SLC8A1: variants seen among roughly 807,000 people sequenced by gnomAD.
SLC8A1 encodes solute carrier family 8 member A1, also known as sodium/calcium exchanger 1.
SLC8A1 carries 18 observed loss-of-function variants against 68.3 expected under a neutral mutation model. That is an observed-to-expected ratio of 0.26 (90% CI 0.18 to 0.39). SLC8A1 has a LOEUF of 0.39. SLC8A1 is among the 10% of genes least tolerant of loss of function. The probability of loss-of-function intolerance (pLI) is 1.00; values close to 1 mark genes in which losing one functional copy is unlikely to be tolerated. For synonymous variants in SLC8A1, 475 were observed against 415.5 expected (o/e 1.14, Z -1.74); for missense variants, 985 against 1,156.7 (o/e 0.85, Z 2.15).
At chr2:40,452,153 G>T (rs1576595415), upstream of SLC8A1, 1 of 114 alleles carries the variant, frequency 8.8e-3, no homozygotes, top group Non-Finnish European at 0.071. Context: ...GGAGGGCCGG[G>T]GCCCGGGCGC....
At chr2:40,284,966 T>C (rs1209819942) in intron 2 of SLC8A1, among the ~76,000 whole-genome samples, 2 of 152,118 alleles carry the variant, frequency 1.3e-5, no homozygotes, top group Non-Finnish European at 2.9e-5. Context: ...TCTAGTTTTA[T>C]AACCAGAGAA....
chr2:40,109,449 AACAACAC>A (rs2034426027), exon 8 of SLC8A1: 1 of 152,192 alleles, frequency 6.6e-6, no homozygotes, highest in Non-Finnish European at 1.5e-5. Context: ...GTATAAAATA[AACAACAC>A]TATTATATGT....
intron 2 of SLC8A1, among the ~76,000 whole-genome samples, chr2:40,284,492 CATAT>C (rs2067992804): frequency 7.1e-6 from 1 of 140,628 alleles, no homozygotes; most frequent in Non-Finnish European, 1.5e-5. Context: ...TGTATACATA[CATAT>C]CTAGCCAACA....
At position 40,332,590 on chromosome 2, in the gene SLC8A1, A is replaced by G. The variant is rs184944241; in HGVS notation, c.1808+95883T>C. On this transcript the variant is annotated intron_variant, in intron 2 of 7. Coordinates refer to ENST00000406785, the Ensembl canonical transcript of SLC8A1. ...GAGAAAAAAGGCTGGTGAGCCAAAA[A>G]TGGCTTAGGAACATAATTCTCTACC... Among the ~76,000 whole-genome samples the G allele has an allele frequency of 7.2e-4, 110 of 152,306 alleles. 2 individuals are homozygous for G. Among genetic ancestry groups the G allele is most frequent in the Admixed American group, 6.2e-3 (95 of 15,298 alleles).
At chr2:40,468,307 G>A (rs1703811965) in intron 1 of SLC8A1, among the ~76,000 whole-genome samples, 1 of 152,110 alleles carries the variant, frequency 6.6e-6, no homozygotes, top group Non-Finnish European at 1.5e-5. Flanking sequence ...GTTTAGTGGT[G>A]TTTATGTATA....
chr2:40,352,313 C>A (rs899019732), intron 2 of SLC8A1, among the ~76,000 whole-genome samples: 8 of 152,094 alleles, frequency 5.3e-5, no homozygotes, highest in African/African-American at 1.7e-4. Flanking sequence ...TCTGAAATAA[C>A]ATTTTCCAAA....
chr2:40,377,143 C>T (rs1027301803), intron 2 of SLC8A1, among the ~76,000 whole-genome samples: 1 of 152,034 alleles, frequency 6.6e-6, no homozygotes, highest in Non-Finnish European at 1.5e-5. Context: ...GAGTTTATCC[C>T]GAGTGAGCCT....
intron 7 of SLC8A1, among the ~76,000 whole-genome samples, chr2:40,117,936 G>C (rs2035848381): frequency 6.6e-6 from 1 of 152,210 alleles, no homozygotes; most frequent in African/African-American, 2.4e-5. Flanking sequence ...TGCATCTGCA[G>C]TATGACATTC....
Position 40,325,305 on chromosome 2 carries a change from G to T in SLC8A1, c.1808+103168C>A, listed in dbSNP as rs897808172. The stretch of plus-strand genomic sequence containing the variant: ...GACCTTTTGAGGTAGGGCAGGAAGA[G>T]AATGTTTCTTGAGAGGGCTGCCAGG... On this transcript the variant is annotated intron_variant, in intron 2 of 7. Transcript: ENST00000406785. Among the ~76,000 whole-genome samples, 3 of 152,166 alleles carry T rather than the reference G, an allele frequency of 2.0e-5. No individual in the cohort carries two copies. The East Asian group carries it at 5.8e-4, about 29-fold the overall frequency.
chr2:40,463,887 C>CACACACACACACAT (rs796954298), intron 1 of SLC8A1, among the ~76,000 whole-genome samples: 27 of 108,620 alleles, frequency 2.5e-4, no homozygotes, highest in East Asian at 1.6e-3. Context: ...CACACACACA[C>CACACACACACACAT]ATATATATAT....
At chr2:40,325,225 A>G (rs945145660) in intron 2 of SLC8A1, among the ~76,000 whole-genome samples, 4 of 152,180 alleles carry the variant, frequency 2.6e-5, no homozygotes, top group Non-Finnish European at 5.9e-5. Context: ...TTGATGCTCA[A>G]TGATGTAGAA....
At chr2:40,320,188 ATAC>A (rs2075021772) in intron 2 of SLC8A1, among the ~76,000 whole-genome samples, 1 of 152,184 alleles carries the variant, frequency 6.6e-6, no homozygotes, top group South Asian at 2.1e-4. Context: ...TAAGTGCCAC[ATAC>A]TACATTTGTA....
At chr2:40,382,085 C>G (rs911683527) in intron 2 of SLC8A1, among the ~76,000 whole-genome samples, 1 of 152,014 alleles carries the variant, frequency 6.6e-6, no homozygotes, top group African/African-American at 2.4e-5. Context: ...CTAACCAGAA[C>G]CCCTGGCATT....
intron 1 of SLC8A1, among the ~76,000 whole-genome samples, chr2:40,492,035 AG>A (rs1173074108): frequency 6.6e-6 from 1 of 152,168 alleles, no homozygotes; most frequent in African/African-American, 2.4e-5. Context: ...CGCATCGCCA[AG>A]TCAATCCTAA....
intron 6 of SLC8A1, among the ~76,000 whole-genome samples, chr2:40,158,419 T>C (rs1416985093): frequency 1.3e-5 from 2 of 152,220 alleles, no homozygotes; most frequent in Non-Finnish European, 2.9e-5. Flanking sequence ...AAATTGTAAA[T>C]AAGGTCGATT....
chr2:40,346,805 T>C (rs1003023619), intron 2 of SLC8A1, among the ~76,000 whole-genome samples: 22 of 152,186 alleles, frequency 1.4e-4, no homozygotes, highest in Admixed American at 1.3e-3. Flanking sequence ...TGTAGCTCAA[T>C]GATCTTTCTA....
At chr2:40,358,392 AG>A (rs1433079933) in intron 2 of SLC8A1, among the ~76,000 whole-genome samples, 1 of 152,216 alleles carries the variant, frequency 6.6e-6, no homozygotes, top group African/African-American at 2.4e-5. Flanking sequence ...TGACAGCAAA[AG>A]AACAGTACTA....
chr2:40,192,939 A>T (rs1279013822), intron 2 of SLC8A1, among the ~76,000 whole-genome samples: 3 of 152,170 alleles, frequency 2.0e-5, no homozygotes, highest in African/African-American at 7.2e-5. Flanking sequence ...TTCAGGCAGT[A>T]CTGTCTGTAT....
chr2:40,500,200 C>G (rs1440746175), intron 1 of SLC8A1, among the ~76,000 whole-genome samples: 1 of 152,068 alleles, frequency 6.6e-6, no homozygotes, highest in Non-Finnish European at 1.5e-5. Flanking sequence ...TCTGAGTTAC[C>G]TACCCAGCAA....
Sources: gnomAD v4.1 joint callset for allele counts (sites outside exome capture counted in the v4.1 genomes callset) on GRCh38, gnomAD v4.1.1 for gene constraint, MANE v1.5 for transcripts, NCBI Gene and HGNC (gene_info 2026-07-23, HGNC 2026-07-21) for gene names.